Variants in RNF180 observed in about 807,000 individuals in gnomAD.
RNF180 encodes E3 ubiquitin-protein ligase RNF180.
A neutral mutation model predicts 59.2 loss-of-function variants in RNF180; 38 were observed. The observed-to-expected ratio is 0.64, with a 90% CI of 0.50 to 0.84. The LOEUF (loss-of-function observed/expected upper bound fraction) is 0.84, where lower values mean the gene tolerates loss of function less well. RNF180 is among the 40% of genes least tolerant of loss of function. The pLI, the probability that RNF180 is intolerant of heterozygous loss-of-function variation, is 0.00. For synonymous variants in RNF180, 262 were observed against 240.3 expected (o/e 1.09, Z -0.84); for missense variants, 705 against 700.9 (o/e 1.01, Z -0.07).
Position 64,214,444 on chromosome 5 carries a change from A to C in RNF180, c.1118A>C (p.Asn373Thr). Residue 373 changes from asparagine (N) to threonine (T), a missense_variant, in exon 4 of 8, where the codon AAT becomes ACT. Physicochemically the swap from Asn to Thr is moderately conservative, Grantham distance 65 (BLOSUM62 0). Transcript: ENST00000389100. ...TTGGGCAGCATTAATCAGAGGCTTA[A>C]TAAGAGAGAAAGGAGCAAGTTGAAG... ...FSLGSINQRL[N>T]KRERSKLKNL... is the part of the protein sequence containing the mutation. The C allele has an allele frequency of 3.1e-6, 5 of 1,614,012 alleles. No individual in the cohort carries two copies. The highest frequency in any genetic ancestry group is 4.2e-6 in the Non-Finnish European group (5 of 1,179,910).
In RNF180 at chr5:64,248,959, G is replaced by A. The variant is rs557116521; in HGVS notation, c.1227+31563G>A. On this transcript the variant is annotated intron_variant, in intron 5 of 7. Transcript: ENST00000389100. ...GTGAATTCATTTCCTCTCCAGGGAC[G>A]AGGATGAAGCTGGAAACTATCACTC... Among the ~76,000 whole-genome samples the A allele has an allele frequency of 9.8e-4, 149 of 152,148 alleles. 1 individual carries two copies. Among genetic ancestry groups the A allele is most frequent in the South Asian group, 3.7e-3 (18 of 4,822 alleles).
At chr5:64,218,020 A>G (rs1480007639) in intron 5 of RNF180, among the ~76,000 whole-genome samples, 1 of 152,148 alleles carries the variant, frequency 6.6e-6, no homozygotes, top group Non-Finnish European at 1.5e-5. Context: ...TTTGGGATAC[A>G]AGTGTTTCAT....
At chr5:64,306,222 AAAT>A (rs766744288) in intron 5 of RNF180, among the ~76,000 whole-genome samples, 2 of 151,776 alleles carry the variant, frequency 1.3e-5, no homozygotes, top group Non-Finnish European at 3.0e-5. Context: ...TTTATTCACA[AAAT>A]AATAATATGT....
chr5:64,210,385 T>C (rs1752250295), intron 2 of RNF180, among the ~76,000 whole-genome samples: 1 of 152,156 alleles, frequency 6.6e-6, no homozygotes, highest in Non-Finnish European at 1.5e-5. Flanking sequence ...TCTGTAGAAA[T>C]TGGCATCCAC....
chr5:64,229,049 G>T (rs930509785), intron 5 of RNF180, among the ~76,000 whole-genome samples: 1 of 150,060 alleles, frequency 6.7e-6, no homozygotes, highest in African/African-American at 2.5e-5. Flanking sequence ...AGCCCCCCAA[G>T]TAGGTGCAAC....
At chr5:64,170,136 C>T (rs1157560787) in intron 1 of RNF180, among the ~76,000 whole-genome samples, 4 of 152,180 alleles carry the variant, frequency 2.6e-5, no homozygotes, top group Admixed American at 2.0e-4. Flanking sequence ...AATGATACAC[C>T]CTGTGGGTGC....
intron 7 of RNF180, among the ~76,000 whole-genome samples, chr5:64,359,071 C>A (rs1485510577): frequency 6.6e-6 from 1 of 150,928 alleles, no homozygotes; most frequent in African/African-American, 2.4e-5. Flanking sequence ...TCTTTGCTAT[C>A]GTGAATAATG....
intron 5 of RNF180, among the ~76,000 whole-genome samples, chr5:64,294,306 A>G (rs917016375): frequency 6.6e-6 from 1 of 152,222 alleles, no homozygotes; most frequent in African/African-American, 2.4e-5. Flanking sequence ...CATGATGTGC[A>G]TATTTCACAT....
At chr5:64,186,078 T>A (rs1259094805) in intron 1 of RNF180, among the ~76,000 whole-genome samples, 1 of 152,170 alleles carries the variant, frequency 6.6e-6, no homozygotes, top group African/African-American at 2.4e-5. Context: ...TATCTGGCAA[T>A]TTTTTGGAGC....
intron 1 of RNF180, among the ~76,000 whole-genome samples, chr5:64,198,813 A>T (rs1751582624): frequency 6.6e-6 from 1 of 151,326 alleles, no homozygotes; most frequent in Non-Finnish European, 1.5e-5. Context: ...TTTGCAAATT[A>T]AACAATTTTT....
chr5:64,327,927 C>G (rs1486585744), intron 6 of RNF180, among the ~76,000 whole-genome samples: 1 of 152,034 alleles, frequency 6.6e-6, no homozygotes, highest in African/African-American at 2.4e-5. Flanking sequence ...ATAATACTTG[C>G]TTTTATCTGG....
rs759991943 is a variant in RNF180 at position 64,185,972 on chromosome 5, A to G, written c.1-14836A>G. On this transcript the variant is annotated intron_variant, in intron 1 of 7. Transcript: ENST00000389100. ...TCTCTTTTGGGGAAGATGGTGGGAT[A>G]AGTAAGTAAACAAGCCCAAGTCTCT... is the stretch of plus-strand genomic sequence containing the variant. Among the ~76,000 whole-genome samples the G allele has an allele frequency of 4.1e-4, 62 of 152,220 alleles. 1 individual carries two copies. Among genetic ancestry groups the G allele is most frequent in the Admixed American group, 1.2e-3 (18 of 15,280 alleles).
chr5:64,201,104 A>T (rs1751720922), intron 2 of RNF180, among the ~76,000 whole-genome samples, 162 bp downstream of exon 2: 1 of 152,242 alleles, frequency 6.6e-6, no homozygotes, highest in South Asian at 2.1e-4. Context: ...CACTGAAAAC[A>T]TTCTAAAATG....
intron 5 of RNF180, among the ~76,000 whole-genome samples, chr5:64,317,255 GT>G (rs1043767065): frequency 6.6e-6 from 1 of 151,966 alleles, no homozygotes; most frequent in Non-Finnish European, 1.5e-5. Context: ...AGTTGCATGA[GT>G]TTTTTTGTTT....
intron 5 of RNF180, among the ~76,000 whole-genome samples, chr5:64,259,853 G>A (rs1408687775): frequency 1.3e-5 from 2 of 152,110 alleles, no homozygotes; most frequent in South Asian, 4.2e-4. Flanking sequence ...CCCGGGAGGC[G>A]GAGGTTGTGG....
At chr5:64,242,204 G>A (rs1205862492) in intron 5 of RNF180, among the ~76,000 whole-genome samples, 3 of 152,114 alleles carry the variant, frequency 2.0e-5, no homozygotes, top group Non-Finnish European at 2.9e-5. Context: ...TACACTGATC[G>A]TGGCTGCTTC....
chr5:64,362,962 A>T (rs1178806567), intron 7 of RNF180, among the ~76,000 whole-genome samples: 1 of 148,790 alleles, frequency 6.7e-6, no homozygotes, highest in Non-Finnish European at 1.5e-5. Flanking sequence ...TAAGTGCCTT[A>T]TAGAGGCTGG....
intron 7 of RNF180, among the ~76,000 whole-genome samples, chr5:64,342,673 A>T (rs1189039700): frequency 1.3e-5 from 2 of 152,126 alleles, no homozygotes; most frequent in Non-Finnish European, 2.9e-5. Context: ...AAAGAGAAAC[A>T]TCCACAACCT....
rs1256397733 is a variant in RNF180 at position 64,371,264 on chromosome 5, AC to A, written c.*1451del. Reference sequence around the variant, plus strand: ...AATTTAGAAACACAGATAAATTTATACTTATAAATGGATATTTATAATTACT... The same window carrying A: ...AATTTAGAAACACAGATAAATTTATATTATAAATGGATATTTATAATTACT... On this transcript the variant is annotated 3_prime_UTR_variant, in exon 8 of 8. Coordinates refer to ENST00000389100, the MANE Select transcript of RNF180 (RefSeq NM_001113561.2). 8 of 151,678 alleles carry A rather than the reference AC, an allele frequency of 5.3e-5. No homozygotes were observed. Among genetic ancestry groups the A allele is most frequent in the African/African-American group, 1.9e-4 (8 of 41,408 alleles). 9.4% of individuals were successfully genotyped at this position (151,678 alleles called of 1,614,324 possible). A position where few individuals can be genotyped will look rare whatever the true frequency, so the allele number is the denominator to read the frequency against.
Sources: gnomAD v4.1 joint callset for allele counts (sites outside exome capture counted in the v4.1 genomes callset) on GRCh38, gnomAD v4.1.1 for gene constraint, MANE v1.5 for transcripts, NCBI Gene and HGNC (gene_info 2026-07-23, HGNC 2026-07-21) for gene names.